The following POT1 variants were observed in gnomAD, a reference collection of about 807,000 sequenced individuals.
POT1 encodes protection of telomeres 1, also known as protection of telomeres protein 1.
A neutral mutation model predicts 78.5 loss-of-function variants in POT1; 47 were observed. That is an observed-to-expected ratio of 0.60 (90% CI 0.47 to 0.76). POT1 has a LOEUF of 0.76. Ranked by LOEUF, POT1 falls within the 30% of genes least tolerant of loss-of-function variation. The pLI, the probability that POT1 is intolerant of heterozygous loss-of-function variation, is 0.00. For missense variants in POT1, 646 were observed against 749.9 expected (o/e 0.86, Z 1.62); for synonymous variants, 259 against 260.7 (o/e 0.99, Z 0.06).
intron 3 of POT1, among the ~76,000 whole-genome samples, chr7:124,913,440 CATG>C (rs1371521117): frequency 6.6e-6 from 1 of 152,134 alleles, no homozygotes; most frequent in Non-Finnish European, 1.5e-5. Flanking sequence ...TTTTCATGTT[CATG>C]ATAATGTCCT....
intron 6 of POT1, among the ~76,000 whole-genome samples, chr7:124,872,815 C>A (rs926062065): frequency 4.6e-5 from 7 of 152,168 alleles, no homozygotes; most frequent in Admixed American, 2.0e-4. Context: ...AATACCTGTG[C>A]CACGTACAAC....
chr7:124,844,217 C>T (rs1373234773), intron 12 of POT1, among the ~76,000 whole-genome samples: 2 of 150,244 alleles, frequency 1.3e-5, no homozygotes, highest in African/African-American at 2.4e-5. Flanking sequence ...CAACCTCTAC[C>T]TCCCAGGTTC....
chr7:124,889,689 C>T (rs1796322554), intron 6 of POT1, among the ~76,000 whole-genome samples: 1 of 94,990 alleles, frequency 1.1e-5, no homozygotes, highest in South Asian at 3.4e-4. Context: ...ATCCTAGGGC[C>T]TTTCAAAATT....
chr7:124,852,452 T>C (rs1795333872), intron 10 of POT1, among the ~76,000 whole-genome samples: 1 of 152,156 alleles, frequency 6.6e-6, no homozygotes, highest in South Asian at 2.1e-4. Context: ...CAATACTCAC[T>C]AGGAATACCT....
intron 15 of POT1, 32 bp downstream of exon 15, chr7:124,835,247 A>AAAAC: frequency 1.7e-6 from 1 of 600,880 alleles, no homozygotes; most frequent in Non-Finnish European, 2.2e-6. Flanking sequence ...TATAATAAAC[A>AAAAC]AAACAAAACA....
At chr7:124,851,975 C>T (rs751543495) in intron 10 of POT1, 24 bp from the exon 11 acceptor site, 4 of 1,491,752 alleles carry the variant, frequency 2.7e-6, no homozygotes, top group African/African-American at 2.8e-5. Context: ...AATACAATTT[C>T]AAATTGCATA....
At position 124,892,381 on chromosome 7, in the gene POT1, C is replaced by T. The variant is rs976603098; in HGVS notation, c.10-1G>A. On this transcript the variant is annotated splice_acceptor_variant, in intron 5 of 18. Transcript: ENST00000357628. LOFTEE classifies it high-confidence loss of function. ...TATATATATAATTTGTTGCTGGAAC[C>T]TAAAGAAAGAGAAGACAGTGAATAC... is the stretch of plus-strand genomic sequence containing the variant. 2 of 1,389,092 alleles carry T rather than the reference C, an allele frequency of 1.4e-6. No homozygotes were observed. The highest frequency in any genetic ancestry group is 1.5e-5 in the South Asian group (1 of 64,826). The allele number at this position is 1,389,092 out of a possible 1,614,324, so 86.0% of individuals were successfully genotyped here.
Position 124,835,242 on chromosome 7 carries a change from T to TAAACA in POT1, c.1505+32_1505+36dup, listed in dbSNP as rs66826272. 390,521 of 1,576,330 alleles carry TAAACA rather than the reference T, an allele frequency of 0.25. 49,202 individuals carry two copies. The highest frequency in any genetic ancestry group is 0.28 in the East Asian group (12,346 of 44,312). On this transcript the variant is annotated intron_variant, in intron 15 of 18. Transcript: ENST00000357628. ...ATGACCCCAGAACTTAAAAGTATAA[T>TAAACA]AAACAAAACAAAACAAAACAAAACA...
chr7:124,905,921 A>G (rs957182672), intron 3 of POT1, among the ~76,000 whole-genome samples: 36 of 152,338 alleles, frequency 2.4e-4, no homozygotes, highest in Middle Eastern at 3.4e-3. Context: ...AGAAATGCAA[A>G]TCAAAACCAC....
intron 12 of POT1, chr7:124,843,271 C>T (rs1795075455): frequency 1.1e-5 from 2 of 185,050 alleles, no homozygotes; most frequent in African/African-American, 2.3e-5. Context: ...GAAAATATTA[C>T]GCTAGGCAAC....
At chr7:124,906,368 T>A (rs1490281933) in intron 3 of POT1, among the ~76,000 whole-genome samples, 2 of 151,748 alleles carry the variant, frequency 1.3e-5, no homozygotes, top group African/African-American at 4.8e-5. Context: ...AAACCATCAT[T>A]CTGAGGAAAC....
intron 3 of POT1, among the ~76,000 whole-genome samples, chr7:124,914,486 T>C (rs940432681): frequency 1.3e-5 from 2 of 152,124 alleles, no homozygotes; most frequent in Admixed American, 6.6e-5. Flanking sequence ...TACAAGGCAC[T>C]AACCACAGAA....
At chr7:124,896,305 C>T (rs577520044) in intron 5 of POT1, among the ~76,000 whole-genome samples, 25 of 151,644 alleles carry the variant, frequency 1.6e-4, no homozygotes, top group African/African-American at 5.1e-4. Context: ...CATTTATTCC[C>T]GCCTTATTTA....
intron 11 of POT1, among the ~76,000 whole-genome samples, chr7:124,848,917 T>C (rs1347464572): frequency 6.6e-6 from 1 of 152,074 alleles, no homozygotes; most frequent in African/African-American, 2.4e-5. Flanking sequence ...AAAAATAGGA[T>C]TTTACTCTAA....
chr7:124,913,735 C>T (rs1584524783), intron 3 of POT1, among the ~76,000 whole-genome samples: 1 of 134,682 alleles, frequency 7.4e-6, no homozygotes, highest in East Asian at 2.0e-4. Flanking sequence ...GACAAATGGT[C>T]ATTCTTAAAT....
intron 2 of POT1, among the ~76,000 whole-genome samples, chr7:124,922,431 A>G (rs1797173353): frequency 6.6e-6 from 1 of 152,068 alleles, no homozygotes; most frequent in African/African-American, 2.4e-5. Flanking sequence ...TTTATAATAC[A>G]TGTACATGTA....
chr7:124,892,353 G>A lies in POT1; in HGVS notation c.37C>T (p.Pro13Ser), dbSNP rs1584792028. ...LVPATNYIYT[P>S]LNQLKGGTIV... Reference sequence around the variant, plus strand: ...GTACCACCCTTAAGTTGATTCAGGGGTGTATATATATAATTTGTTGCTGGA... The same window carrying A: ...GTACCACCCTTAAGTTGATTCAGGGATGTATATATATAATTTGTTGCTGGA... Residue 13 changes from proline (P) to serine (S), a missense_variant, in exon 6 of 19, where the codon CCC (proline) becomes TCC (serine). Around this residue, in one of 2 missense-constraint regions of POT1, gnomAD observed 252 missense variants for 341.4 expected, o/e 0.74. Transcript: ENST00000357628. The A allele has an allele frequency of 6.7e-7, 1 of 1,498,466 alleles. No homozygotes were observed. Among genetic ancestry groups the A allele is most frequent in the Non-Finnish European group, 8.9e-7 (1 of 1,129,564 alleles). The allele number at this position is 1,498,466 out of a possible 1,614,324, so 92.8% of individuals were successfully genotyped here.
chr7:124,903,592 C>T (rs1463176581), intron 3 of POT1, among the ~76,000 whole-genome samples: 1 of 152,090 alleles, frequency 6.6e-6, no homozygotes. Context: ...AAAATGGACA[C>T]CCTAACATCA....
rs112006292 is a variant in POT1, at chr7:124,850,736, A to C, written c.949+1136T>G. Among the ~76,000 whole-genome samples, 1,211 of 152,164 alleles carry C rather than the reference A, an allele frequency of 8.0e-3. 22 individuals carry two copies. The highest frequency in any genetic ancestry group is 0.027 in the African/African-American group (1,101 of 41,514). On this transcript the variant is annotated intron_variant, in intron 11 of 18. Transcript: ENST00000357628. ...GACAGAGCAAGACTCTGTCTCAAAA[A>C]AAAACAAAACAAACAAACAAACAAA...
Sources: gnomAD v4.1 joint callset for allele counts (sites outside exome capture counted in the v4.1 genomes callset) on GRCh38, gnomAD v4.1.1 for gene constraint, gnomAD v4.1.1 regional missense constraint, MANE v1.5 for transcripts, NCBI Gene and HGNC (gene_info 2026-07-23, HGNC 2026-07-21) for gene names.